MAGI1: variants seen among roughly 807,000 people sequenced by gnomAD.
MAGI1 encodes membrane associated guanylate kinase, WW and PDZ domain containing 1.
In MAGI1, 58 loss-of-function variants were observed where a neutral mutation model predicts 139.9. That is an observed-to-expected ratio of 0.41 (90% CI 0.34 to 0.52). The LOEUF (loss-of-function observed/expected upper bound fraction) is 0.52. Ranked by LOEUF, MAGI1 falls within the 20% of genes least tolerant of loss-of-function variation. The pLI, the probability that MAGI1 is intolerant of heterozygous loss-of-function variation, is 0.12. For missense variants in MAGI1, 1,874 were observed against 1,901.6 expected (o/e 0.99, Z 0.27); for synonymous variants, 812 against 737.9 (o/e 1.10, Z -1.63).
intron 1 of MAGI1, among the ~76,000 whole-genome samples, chr3:65,949,788 TTAAAC>T (rs2063709375): frequency 1.3e-5 from 2 of 152,216 alleles, no homozygotes. Flanking sequence ...AGTTTTATAT[TTAAAC>T]TAGATTGGGG....
At chr3:65,992,334 T>C (rs915399702) in intron 1 of MAGI1, among the ~76,000 whole-genome samples, 1 of 152,240 alleles carries the variant, frequency 6.6e-6, no homozygotes, top group African/African-American at 2.4e-5. Flanking sequence ...AGTCCTTCCA[T>C]AGATTATTTA....
chr3:65,833,462 G>T (rs75579271), intron 1 of MAGI1, among the ~76,000 whole-genome samples: 1 of 151,984 alleles, frequency 6.6e-6, no homozygotes, highest in Non-Finnish European at 1.5e-5. Flanking sequence ...CAATCTCTCC[G>T]GCTTCCCCAG....
intron 2 of MAGI1, among the ~76,000 whole-genome samples, chr3:65,566,896 C>G (rs534886160): frequency 2.5e-3 from 387 of 151,986 alleles, no homozygotes; most frequent in African/African-American, 8.3e-3. Context: ...AGCATCCGGC[C>G]GTCTTTAGAT....
At chr3:65,680,245 C>A (rs1254304564) in intron 1 of MAGI1, among the ~76,000 whole-genome samples, 1 of 152,188 alleles carries the variant, frequency 6.6e-6, no homozygotes, top group Non-Finnish European at 1.5e-5. Flanking sequence ...CATCAAGGGA[C>A]AGCAGCCCTC....
chr3:65,454,696 T>A (rs771642153), intron 5 of MAGI1, among the ~76,000 whole-genome samples: 14 of 150,992 alleles, frequency 9.3e-5, no homozygotes, highest in Non-Finnish European at 1.8e-4. Flanking sequence ...CAAAGTTTTT[T>A]ATTTTTGATT....
intron 1 of MAGI1, among the ~76,000 whole-genome samples, chr3:65,701,481 G>A (rs9755551): frequency 0.029 from 4,411 of 152,278 alleles, 216 homozygotes; most frequent in African/African-American, 0.1. Context: ...TCGAACTCCT[G>A]ACCTCAAGTG....
intron 1 of MAGI1, among the ~76,000 whole-genome samples, chr3:65,813,002 C>T (rs1251196330): frequency 4.0e-5 from 6 of 150,168 alleles, no homozygotes; most frequent in African/African-American, 1.2e-4. Flanking sequence ...TGAGCCACCG[C>T]GCCCAGCCTA....
chr3:66,025,482 C>G (rs1180473492), intron 1 of MAGI1, among the ~76,000 whole-genome samples: 2 of 152,178 alleles, frequency 1.3e-5, no homozygotes, highest in East Asian at 3.9e-4. Context: ...ACAGGTGAGC[C>G]AAGACCGTGC....
intron 2 of MAGI1, among the ~76,000 whole-genome samples, chr3:65,511,759 C>T (rs1370974822): frequency 1.3e-5 from 2 of 149,142 alleles, no homozygotes; most frequent in Admixed American, 6.7e-5. Context: ...CACAGAAAGT[C>T]AACAAGGATA....
chr3:65,885,352 G>C (rs924103047), intron 1 of MAGI1, among the ~76,000 whole-genome samples: 1 of 151,514 alleles, frequency 6.6e-6, no homozygotes, highest in African/African-American at 2.4e-5. Context: ...AGCTGAGATT[G>C]TGCCACTGCA....
intron 1 of MAGI1, among the ~76,000 whole-genome samples, chr3:65,745,878 A>G (rs986892696): frequency 4.0e-5 from 6 of 151,794 alleles, no homozygotes; most frequent in African/African-American, 1.5e-4. Context: ...ACACGTGTGC[A>G]CTATCATGCC....
At chr3:66,014,566 A>G (rs1448173509) in intron 1 of MAGI1, among the ~76,000 whole-genome samples, 1 of 152,236 alleles carries the variant, frequency 6.6e-6, no homozygotes, top group Non-Finnish European at 1.5e-5. Context: ...GCAATGCTAT[A>G]TAGAGAACAC....
chr3:65,716,221 C>T (rs1483603674), intron 1 of MAGI1, among the ~76,000 whole-genome samples: 2 of 152,196 alleles, frequency 1.3e-5, no homozygotes, highest in Non-Finnish European at 2.9e-5. Flanking sequence ...GGGATAGTTT[C>T]ACACAGAGAA....
chr3:65,908,182 A>ATT (rs2061512285), intron 1 of MAGI1, among the ~76,000 whole-genome samples: 1 of 152,198 alleles, frequency 6.6e-6, no homozygotes, highest in Non-Finnish European at 1.5e-5. Context: ...CATACACCAC[A>ATT]CAATAAGAAA....
At chr3:65,914,442 T>C (rs1560007825) in intron 1 of MAGI1, among the ~76,000 whole-genome samples, 1 of 152,158 alleles carries the variant, frequency 6.6e-6, no homozygotes, top group Non-Finnish European at 1.5e-5. Context: ...CCTCAACTAG[T>C]GAAGCAGACA....
intron 1 of MAGI1, among the ~76,000 whole-genome samples, chr3:65,970,607 C>T (rs2064974494): frequency 1.3e-5 from 2 of 151,794 alleles, no homozygotes; most frequent in Non-Finnish European, 2.9e-5. Flanking sequence ...CATCCCTATA[C>T]TCCAGAAATA....
intron 4 of MAGI1, among the ~76,000 whole-genome samples, chr3:65,475,693 C>A (rs1950853342): frequency 6.6e-6 from 1 of 152,024 alleles, no homozygotes; most frequent in Non-Finnish European, 1.5e-5. Context: ...TGTCCCATTG[C>A]TTTGTGTTCA....
rs200497203 is a variant in MAGI1, at chr3:65,759,065, C to CAAA, written c.314-136980_314-136978dup. ...GAAAGGAGAACTGTTAGGCCCAGTG[C>CAAA]AAAAAAAAAAAAAAAAAAAAAAAAA... On this transcript the variant is annotated intron_variant, in intron 1 of 22. Coordinates refer to ENST00000402939, the MANE Select transcript of MAGI1 (RefSeq NM_001033057.2). 7.1e-4 allele frequency among the ~76,000 whole-genome samples: 52 copies of CAAA among 73,076 alleles called. 1 individual carries two copies. The highest frequency in any genetic ancestry group is 1.8e-3 in the African/African-American group (33 of 18,332). The allele number at this position is 73,076 out of a possible 152,430, so 47.9% of individuals were successfully genotyped here.
intron 2 of MAGI1, among the ~76,000 whole-genome samples, chr3:65,583,559 T>A: frequency 6.7e-6 from 1 of 149,150 alleles, no homozygotes; most frequent in East Asian, 2.0e-4. Flanking sequence ...AACTACAAGG[T>A]TTTTTTTTTA....
Sources: gnomAD v4.1 joint callset for allele counts (sites outside exome capture counted in the v4.1 genomes callset) on GRCh38, gnomAD v4.1.1 for gene constraint, MANE v1.5 for transcripts, NCBI Gene and HGNC (gene_info 2026-07-23, HGNC 2026-07-21) for gene names.